AP3S2: variants seen among roughly 807,000 people sequenced by gnomAD.
AP3S2 encodes the protein adaptor related protein complex 3 subunit sigma 2, also known as AP-3 complex subunit sigma-2.
A neutral mutation model predicts 23.4 loss-of-function variants in AP3S2; 22 were observed. That is an observed-to-expected ratio of 0.94 (90% CI 0.67 to 1.34). The LOEUF (loss-of-function observed/expected upper bound fraction) is 1.34. Ranked by LOEUF, AP3S2 falls within the 40% of genes most tolerant of loss-of-function variation. The pLI is 0.00. For synonymous variants in AP3S2, 86 were observed against 87.1 expected (o/e 0.99, Z 0.07); for missense variants, 241 against 236.9 (o/e 1.02, Z -0.11).
At chr15:89,852,551 C>T (rs555265463) in intron 4 of AP3S2, 1 of 152,340 alleles carries the variant, frequency 6.6e-6, no homozygotes, top group South Asian at 2.1e-4. Context: ...AAATAATTTC[C>T]ACCCCCGATC....
At chr15:89,856,161 T>C (rs1895830807) in intron 4 of AP3S2, among the ~76,000 whole-genome samples, 1 of 152,078 alleles carries the variant, frequency 6.6e-6, no homozygotes, top group African/African-American at 2.4e-5. Context: ...CCAGAGGTTA[T>C]CTCCCAAGGG....
chr15:89,838,798 A>G (rs924232485), intron 4 of AP3S2, among the ~76,000 whole-genome samples: 3 of 152,100 alleles, frequency 2.0e-5, no homozygotes, highest in African/African-American at 7.2e-5. Context: ...CTGACATTAG[A>G]GAGGTAGGGG....
intron 4 of AP3S2, among the ~76,000 whole-genome samples, chr15:89,866,334 A>AG (rs1252335816): frequency 1.3e-5 from 2 of 151,004 alleles, no homozygotes; most frequent in Non-Finnish European, 2.9e-5. Flanking sequence ...AGCTTAGACT[A>AG]GGGGGTTGGG....
rs752970064 is a variant in AP3S2, at chr15:89,881,823, A to AT, written c.273+6697dup. Among the ~76,000 whole-genome samples, 633 of 144,608 alleles carry AT rather than the reference A, an allele frequency of 4.4e-3. 1 individual carries two copies. The highest frequency in any genetic ancestry group is 0.011 in the African/African-American group (425 of 39,830). 94.9% of individuals were successfully genotyped at this position (144,608 alleles called of 152,430 possible). On this transcript the variant is annotated intron_variant, in intron 3 of 5. Coordinates refer to ENST00000336418, the MANE Select transcript of AP3S2 (RefSeq NM_005829.5). The stretch of plus-strand genomic sequence containing the variant: ...GGCATTATAAATTAACATACTCTTC[A>AT]TTTTTTTTTTTTTTGAGATGGAGTC...
At chr15:89,843,721 T>A (rs181412118) in intron 4 of AP3S2, among the ~76,000 whole-genome samples, 307 of 152,114 alleles carry the variant, frequency 2.0e-3, no homozygotes, top group African/African-American at 7.2e-3. Context: ...GGCAGGAGAA[T>A]CGCCTGAACC....
At chr15:89,893,677 G>C (rs1018541252) in intron 1 of AP3S2, 2 of 558,684 alleles carry the variant, frequency 3.6e-6, no homozygotes, top group Non-Finnish European at 6.3e-6. Context: ...AAAAGGGTCA[G>C]CGAGAGCGGG....
chr15:89,844,329 T>G (rs1895432642), intron 4 of AP3S2, among the ~76,000 whole-genome samples: 1 of 149,950 alleles, frequency 6.7e-6, no homozygotes, highest in Non-Finnish European at 1.5e-5. Flanking sequence ...CTTTCCTTCC[T>G]TCCTTCTTTC....
intron 3 of AP3S2, among the ~76,000 whole-genome samples, chr15:89,873,086 T>A (rs1447574731): frequency 6.6e-6 from 1 of 152,210 alleles, no homozygotes; most frequent in African/African-American, 2.4e-5. Flanking sequence ...AATATTTCAC[T>A]ATAAGGACAC....
At chr15:89,877,538 CAT>C in intron 3 of AP3S2, 1 of 590,446 alleles carries the variant, frequency 1.7e-6, no homozygotes, top group South Asian at 1.6e-5. Flanking sequence ...CATCCATGTT[CAT>C]ATCTCTATTT....
intron 4 of AP3S2, among the ~76,000 whole-genome samples, chr15:89,859,432 C>T (rs148230527): frequency 4.0e-4 from 53 of 132,428 alleles, no homozygotes; most frequent in South Asian, 1.5e-3. Flanking sequence ...CCTGCTCTGT[C>T]GCCCAGGCTG....
At chr15:89,880,684 AAAG>A (rs1896551121) in intron 3 of AP3S2, among the ~76,000 whole-genome samples, 1 of 151,932 alleles carries the variant, frequency 6.6e-6, no homozygotes, top group African/African-American at 2.4e-5. Context: ...AAAAAAAAAA[AAAG>A]AAACAATAAA....
intron 3 of AP3S2, among the ~76,000 whole-genome samples, chr15:89,876,349 G>A (rs1469933076): frequency 6.6e-6 from 1 of 151,644 alleles, no homozygotes; most frequent in Non-Finnish European, 1.5e-5. Context: ...AACCCAGGAG[G>A]TGGAGGTTTC....
intron 4 of AP3S2, among the ~76,000 whole-genome samples, chr15:89,853,240 CAA>C (rs1454818218): frequency 4.6e-5 from 7 of 151,994 alleles, no homozygotes; most frequent in Admixed American, 4.6e-4. Context: ...TCTTAAGGCA[CAA>C]TATAGGAGGC....
rs1443933390 is a variant in AP3S2 at position 89,888,510 on chromosome 15, A to C, written c.273+11T>G. On this transcript the variant is annotated intron_variant, in intron 3 of 5. Transcript: ENST00000336418. The stretch of plus-strand genomic sequence containing the variant: ...CTAAAGCTGCTGCCATCATTAGCTG[A>C]CTACACATACCTGGATGAGGTCCAA... 1.2e-6 allele frequency: 2 copies of C among 1,613,406 alleles called. No homozygotes were observed. The highest frequency in any genetic ancestry group is 1.1e-5 in the South Asian group (1 of 91,004).
intron 5 of AP3S2, 108 bp downstream of exon 5, chr15:89,837,507 A>G (rs775535167): frequency 1.8e-5 from 22 of 1,252,130 alleles, no homozygotes; most frequent in Non-Finnish European, 2.1e-5. Flanking sequence ...GAAGATGAGT[A>G]TCATTTCCCG....
intron 4 of AP3S2, among the ~76,000 whole-genome samples, chr15:89,867,425 G>C (rs7496689): frequency 6.7e-6 from 1 of 150,292 alleles, no homozygotes; most frequent in Non-Finnish European, 1.5e-5. Context: ...GCCTCTGCCC[G>C]GCCGCCACCC....
rs1032811577 is a variant in AP3S2 at position 89,833,195 on chromosome 15, C to T, written c.*2320G>A. ...TAACATTTACCACCTTGGGCTTCGG[C>T]TTCAACATCAGTTAAATGGAGGGAC... On this transcript the variant is annotated 3_prime_UTR_variant, in exon 6 of 6. Transcript: ENST00000336418. 1 of 152,208 alleles carries T rather than the reference C, an allele frequency of 6.6e-6. No homozygotes were observed. The highest frequency in any genetic ancestry group is 1.9e-4 in the East Asian group (1 of 5,208). 9.4% of individuals were successfully genotyped at this position (152,208 alleles called of 1,614,324 possible).
intron 4 of AP3S2, among the ~76,000 whole-genome samples, chr15:89,849,920 A>G (rs534570776): frequency 1.3e-5 from 2 of 151,764 alleles, no homozygotes; most frequent in South Asian, 2.1e-4. Context: ...GAGTGAAAAC[A>G]TGTCGTGTTT....
rs541762816 is a variant in AP3S2, at chr15:89,879,060, G to A, written c.274-7514C>T. 5.3e-4 allele frequency among the ~76,000 whole-genome samples: 81 copies of A among 152,218 alleles called. 1 individual carries two copies. The highest frequency in any genetic ancestry group is 1.2e-3 in the Admixed American group (19 of 15,282). On this transcript the variant is annotated intron_variant, in intron 3 of 5. Coordinates refer to ENST00000336418, the MANE Select transcript of AP3S2 (RefSeq NM_005829.5). ...CGCACCCAGCCAGGCTAATTTTTTC[G>A]TAGAGACAAAGTCTCACTATGCTGC...
Sources: gnomAD v4.1 joint callset for allele counts (sites outside exome capture counted in the v4.1 genomes callset) on GRCh38, gnomAD v4.1.1 for gene constraint, MANE v1.5 for transcripts, NCBI Gene and HGNC (gene_info 2026-07-23, HGNC 2026-07-21) for gene names.